Variants in ZFAND3 observed in about 807,000 individuals in gnomAD.
ZFAND3 encodes the protein zinc finger AN1-type containing 3, also known as AN1-type zinc finger protein 3.
Under a neutral mutation model 29.6 loss-of-function variants are expected in ZFAND3, and 10 were observed. The ratio of observed to expected loss-of-function variants is 0.34; its 90% CI spans 0.21 to 0.57. ZFAND3 has a LOEUF of 0.57. ZFAND3 is among the 20% of genes least tolerant of loss of function. The pLI is 0.86. For missense variants in ZFAND3, 230 were observed against 304.5 expected, an observed-to-expected ratio of 0.76 and a Z score of 1.82; for synonymous variants, 128 against 112.6, an observed-to-expected ratio of 1.14 and a Z score of -0.87.
intron 1 of ZFAND3, among the ~76,000 whole-genome samples, chr6:37,852,063 A>C (rs1764291499): frequency 6.6e-6 from 1 of 152,224 alleles, no homozygotes; most frequent in Non-Finnish European, 1.5e-5. Context: ...TACTGTGACC[A>C]GTGCTTTTGG....
intron 2 of ZFAND3, among the ~76,000 whole-genome samples, chr6:38,033,645 A>G (rs772090981): frequency 2.4e-4 from 36 of 152,200 alleles, no homozygotes; most frequent in Non-Finnish European, 4.6e-4. Flanking sequence ...TTACATGCCA[A>G]TCCACAGTTT....
At chr6:37,890,849 A>G (rs1765082455) in intron 1 of ZFAND3, among the ~76,000 whole-genome samples, 1 of 152,244 alleles carries the variant, frequency 6.6e-6, no homozygotes, top group Non-Finnish European at 1.5e-5. Context: ...AATTTAAACT[A>G]TCTTGACAAT....
At position 37,979,755 on chromosome 6, in the gene ZFAND3, A is replaced by G. The variant is rs567520549; in HGVS notation, c.112+49756A>G. ...CTGACCTGTACTTGGCTGAATAATC[A>G]GGATCCTCTCCTGATATATAACTCT... is the stretch of plus-strand genomic sequence containing the variant. On this transcript the variant is annotated intron_variant, in intron 2 of 5. Coordinates refer to ENST00000287218, the MANE Select transcript of ZFAND3 (RefSeq NM_021943.3). 3.9e-5 allele frequency among the ~76,000 whole-genome samples: 6 copies of G among 152,258 alleles called. No homozygotes were observed. The South Asian group carries it at 1.2e-3, about 32-fold the overall frequency.
intron 4 of ZFAND3, among the ~76,000 whole-genome samples, chr6:38,084,153 A>T (rs945445746): frequency 6.6e-6 from 1 of 152,148 alleles, no homozygotes; most frequent in African/African-American, 2.4e-5. Flanking sequence ...TGCTTTTCAC[A>T]TTTTATTGTA....
chr6:38,149,145 A>G (rs188561759), intron 5 of ZFAND3, among the ~76,000 whole-genome samples: 2 of 152,082 alleles, frequency 1.3e-5, no homozygotes, highest in African/African-American at 4.8e-5. Flanking sequence ...GTGCCTTCTA[A>G]TCCCAGCAAT....
intron 2 of ZFAND3, among the ~76,000 whole-genome samples, chr6:37,936,844 C>T (rs560376151): frequency 3.1e-4 from 47 of 152,262 alleles, no homozygotes; most frequent in Non-Finnish European, 5.9e-4. Context: ...AATTAGCTAT[C>T]GCCTGCAGCA....
intron 5 of ZFAND3, among the ~76,000 whole-genome samples, chr6:38,141,068 C>T (rs991927038): frequency 6.5e-5 from 9 of 138,512 alleles, no homozygotes; most frequent in East Asian, 4.5e-4. Flanking sequence ...TTTGTGGAAA[C>T]GGGGCAAAAG....
chr6:38,094,201 G>A (rs1764927876), intron 4 of ZFAND3, among the ~76,000 whole-genome samples: 1 of 152,076 alleles, frequency 6.6e-6, no homozygotes, highest in African/African-American at 2.4e-5. Flanking sequence ...TATAAGGAAG[G>A]AACTATTGTG....
intron 1 of ZFAND3, among the ~76,000 whole-genome samples, chr6:37,925,331 T>TG (rs1761463546): frequency 6.6e-6 from 1 of 152,074 alleles, no homozygotes; most frequent in Non-Finnish European, 1.5e-5. Flanking sequence ...AATACATAGA[T>TG]TTGAGATCTA....
chr6:37,828,543 A>G (rs1763799296), intron 1 of ZFAND3, among the ~76,000 whole-genome samples: 1 of 152,252 alleles, frequency 6.6e-6, no homozygotes, highest in Non-Finnish European at 1.5e-5. Context: ...ATAAATAATA[A>G]AAAATAAACC....
rs535609187 is a variant in ZFAND3, at chr6:37,843,526, A to G, written c.71+23510A>G. The stretch of plus-strand genomic sequence containing the variant: ...ATGTGTTCCTGTCTTTGCTTGTTAT[A>G]CAGTTTTGTAAAATCCTATCTGTTT... On this transcript the variant is annotated intron_variant, in intron 1 of 5. Transcript: ENST00000287218. Among the ~76,000 whole-genome samples the G allele has an allele frequency of 7.2e-5, 11 of 152,076 alleles. No homozygotes were observed. In the East Asian group the frequency reaches 2.1e-3, roughly 29 times the overall value.
chr6:38,143,523 ATATTT>A (rs1226742207), intron 5 of ZFAND3, among the ~76,000 whole-genome samples: 2 of 152,232 alleles, frequency 1.3e-5, no homozygotes, highest in African/African-American at 2.4e-5. Flanking sequence ...CATGTAACTG[ATATTT>A]TAATTTATTT....
chr6:37,876,846 C>T (rs1296057080), intron 1 of ZFAND3, among the ~76,000 whole-genome samples: 4 of 152,184 alleles, frequency 2.6e-5, no homozygotes, highest in East Asian at 1.9e-4. Context: ...TTAAAATACA[C>T]GTACATATAC....
At chr6:37,977,830 TCC>T (rs201793832) in intron 2 of ZFAND3, among the ~76,000 whole-genome samples, 2,574 of 131,976 alleles carry the variant, frequency 0.02, 218 homozygotes, top group African/African-American at 0.067. Context: ...AAAATGCTTT[TCC>T]TTCCTTCCTT....
intron 5 of ZFAND3, among the ~76,000 whole-genome samples, chr6:38,129,928 A>G (rs529883273): frequency 2.0e-5 from 3 of 152,150 alleles, no homozygotes; most frequent in South Asian, 2.1e-4. Flanking sequence ...CATTTTCACA[A>G]TATTGATTCT....
At chr6:37,975,516 G>A (rs57591988) in intron 2 of ZFAND3, among the ~76,000 whole-genome samples, 12,959 of 151,818 alleles carry the variant, frequency 0.085, 748 homozygotes, top group East Asian at 0.29. Flanking sequence ...TATTTTTTCT[G>A]CATTTTCTTC....
intron 1 of ZFAND3, among the ~76,000 whole-genome samples, chr6:37,823,047 G>C (rs996872413): frequency 5.9e-5 from 9 of 152,136 alleles, no homozygotes; most frequent in Non-Finnish European, 1.0e-4. Flanking sequence ...TTTGATCAGG[G>C]AGTGATGTAT....
At chr6:38,073,090 G>A (rs1461703311) in intron 3 of ZFAND3, among the ~76,000 whole-genome samples, 1 of 152,142 alleles carries the variant, frequency 6.6e-6, no homozygotes, top group Non-Finnish European at 1.5e-5. Flanking sequence ...CTGTGGTACA[G>A]CTAGCTATGG....
In ZFAND3 at chr6:38,154,424, G is replaced by A; in HGVS notation, c.*2035G>A. On this transcript the variant is annotated 3_prime_UTR_variant, in exon 6 of 6. Transcript: ENST00000287218. ...TCCCCTGCAGTATCTGTTCTGTGAA[G>A]TTTGTTAAATGTAAGGAAAGCTTAA... The A allele has an allele frequency of 1.0e-6, 1 of 985,884 alleles. No homozygotes were observed. Among genetic ancestry groups the A allele is most frequent in the Non-Finnish European group, 1.2e-6 (1 of 829,880 alleles). The allele number at this position is 985,884 out of a possible 1,614,324, so 61.1% of individuals were successfully genotyped here. A position where few individuals can be genotyped will look rare whatever the true frequency, so the allele number is the denominator to read the frequency against.
Sources: allele counts gnomAD v4.1 joint callset (sites outside exome capture counted in the v4.1 genomes callset), GRCh38; gene constraint gnomAD v4.1.1; transcripts MANE v1.5; gene names NCBI Gene and HGNC (gene_info 2026-07-23, HGNC 2026-07-21).